Variants in MAP3K5 observed in about 807,000 individuals in gnomAD.
MAP3K5 encodes the protein mitogen-activated protein kinase kinase kinase 5.
Under a neutral mutation model 158.7 loss-of-function variants are expected in MAP3K5, and 56 were observed. The observed-to-expected ratio is 0.35, with a 90% CI of 0.28 to 0.44. MAP3K5 has a LOEUF of 0.44. MAP3K5 is among the 20% of genes least tolerant of loss of function. The pLI, the probability that MAP3K5 is intolerant of heterozygous loss-of-function variation, is 1.00. For missense variants in MAP3K5, 1,294 were observed against 1,674.8 expected (o/e 0.77, Z 3.97); for synonymous variants, 579 against 601.7 (o/e 0.96, Z 0.55).
chr6:136,558,379 GAA>G (rs111257179), intron 29 of MAP3K5, among the ~76,000 whole-genome samples: 41 of 125,784 alleles, frequency 3.3e-4, no homozygotes, highest in Non-Finnish European at 5.8e-4. Flanking sequence ...ACTCCATCCC[GAA>G]AAAAAAAAAA....
rs560182575 is a variant in MAP3K5, at chr6:136,628,195, T to C, written c.2017-5214A>G. Among the ~76,000 whole-genome samples, 4 of 152,246 alleles carry C rather than the reference T, an allele frequency of 2.6e-5. No homozygotes were observed. In the South Asian group the frequency reaches 8.3e-4, roughly 32 times the overall value. The stretch of plus-strand genomic sequence containing the variant: ...GGTGCCATCATAGCTCATTGCAGCC[T>C]TGAACTCCTAGGTTCAAGCAATCCT... On this transcript the variant is annotated intron_variant, in intron 14 of 29. Coordinates refer to ENST00000359015, the MANE Select transcript of MAP3K5 (RefSeq NM_005923.4).
intron 1 of MAP3K5, among the ~76,000 whole-genome samples, chr6:136,764,851 A>C (rs1783895278): frequency 6.6e-6 from 1 of 152,148 alleles, no homozygotes; most frequent in Non-Finnish European, 1.5e-5. Context: ...ACTGAAACTC[A>C]AGGCACACTT....
intron 1 of MAP3K5, among the ~76,000 whole-genome samples, chr6:136,781,825 T>A (rs770317687): frequency 6.6e-6 from 1 of 152,188 alleles, no homozygotes; most frequent in East Asian, 1.9e-4. Context: ...CGGTGGCCCC[T>A]GGACAGCAGA....
intron 1 of MAP3K5, among the ~76,000 whole-genome samples, chr6:136,761,298 A>AC (rs1391992758): frequency 4.6e-4 from 70 of 151,414 alleles, no homozygotes; most frequent in Middle Eastern, 3.4e-3. Context: ...TAAAAAAAAA[A>AC]AAAAAAAAAC....
At chr6:136,708,866 G>A (rs992264583) in intron 2 of MAP3K5, among the ~76,000 whole-genome samples, 6 of 152,236 alleles carry the variant, frequency 3.9e-5, no homozygotes, top group Non-Finnish European at 7.4e-5. Context: ...CAAACCATAC[G>A]CTTGCAAATA....
intron 25 of MAP3K5, among the ~76,000 whole-genome samples, chr6:136,571,479 C>G (rs73777929): frequency 0.038 from 5,846 of 152,236 alleles, 366 homozygotes; most frequent in African/African-American, 0.13. Context: ...GTGAAAAAAC[C>G]ATAAAATTAT....
At position 136,642,469 on chromosome 6, in the gene MAP3K5, T is replaced by C. The variant is rs147110174; in HGVS notation, c.1838+51A>G. 3.1e-3 allele frequency: 3,766 copies of C among 1,223,124 alleles called. 77 individuals carry two copies. In the Admixed American group the frequency reaches 0.041, roughly 13 times the overall value. 75.8% of individuals were successfully genotyped at this position (1,223,124 alleles called of 1,614,324 possible). A position where few individuals can be genotyped will look rare whatever the true frequency, so the allele number is the denominator to read the frequency against. The stretch of plus-strand genomic sequence containing the variant: ...TTAGAAGTTCTATCCAGCCCATGAA[T>C]AGTGGAGAAAAATGTCTTATAAGTT... On this transcript the variant is annotated intron_variant, in intron 12 of 29. Coordinates refer to ENST00000359015, the MANE Select transcript of MAP3K5 (RefSeq NM_005923.4).
chr6:136,666,207 T>A (rs1006248034), intron 8 of MAP3K5, among the ~76,000 whole-genome samples: 1 of 152,328 alleles, frequency 6.6e-6, no homozygotes, highest in Admixed American at 6.5e-5. Flanking sequence ...CACAGATCCA[T>A]GAAGCAATTA....
intron 11 of MAP3K5, 51 bp downstream of exon 11, chr6:136,650,933 T>G: frequency 8.9e-7 from 1 of 1,120,138 alleles, no homozygotes; most frequent in Non-Finnish European, 1.3e-6. Context: ...GCTAGAAGGG[T>G]GTAAAGTCCC....
At chr6:136,675,874 AAGAG>A (rs1340542453) in intron 7 of MAP3K5, among the ~76,000 whole-genome samples, 1 of 152,182 alleles carries the variant, frequency 6.6e-6, no homozygotes, top group Non-Finnish European at 1.5e-5. Flanking sequence ...CTTCTCATGA[AAGAG>A]AGAGAAATAA....
At chr6:136,686,164 T>A (rs1440165499) in intron 7 of MAP3K5, among the ~76,000 whole-genome samples, 1 of 152,252 alleles carries the variant, frequency 6.6e-6, no homozygotes, top group Non-Finnish European at 1.5e-5. Context: ...AAAGTGGCAT[T>A]CTTACATTAC....
At chr6:136,583,801 T>C in intron 23 of MAP3K5, 61 bp from the exon 24 acceptor site, 1 of 1,484,342 alleles carries the variant, frequency 6.7e-7, no homozygotes, top group Non-Finnish European at 9.3e-7. Flanking sequence ...GCCATGGTAA[T>C]CCTATCTCCA....
chr6:136,779,721 T>C (rs1784540850), intron 1 of MAP3K5, among the ~76,000 whole-genome samples: 1 of 152,174 alleles, frequency 6.6e-6, no homozygotes, highest in Non-Finnish European at 1.5e-5. Flanking sequence ...TCTCCTAGTA[T>C]AAGAATGAAG....
chr6:136,716,461 G>A (rs1781533318), intron 2 of MAP3K5, among the ~76,000 whole-genome samples: 1 of 152,140 alleles, frequency 6.6e-6, no homozygotes, highest in African/African-American at 2.4e-5. Flanking sequence ...GCTGAGGAAG[G>A]GAGTGGAGGA....
rs2129091530 is a variant in MAP3K5, at chr6:136,613,222, A to G, written c.2313T>C (p.Gly771=). The G allele has an allele frequency of 1.2e-6, 2 of 1,613,436 alleles. No homozygotes were observed. The highest frequency in any genetic ancestry group is 1.7e-6 in the Non-Finnish European group (2 of 1,179,668). ...SLSALLRSKW[G]PLKDNEQTIG... Reference sequence around the variant, plus strand: ...TTGTTTGCTCATTGTCTTTTAATGGACCCCATTTGGAACGAAGGAGAGCAG... The same window carrying G: ...TTGTTTGCTCATTGTCTTTTAATGGGCCCCATTTGGAACGAAGGAGAGCAG... Residue 771 remains glycine, a synonymous_variant, in exon 17 of 30, where the codon GGT becomes GGC. Coordinates refer to ENST00000359015, the MANE Select transcript of MAP3K5 (RefSeq NM_005923.4). This position sits in a 1 kb window ranked among gnomAD's most constrained non-coding sequence, Gnocchi z 4.0.
intron 1 of MAP3K5, among the ~76,000 whole-genome samples, chr6:136,730,170 T>A: frequency 7.3e-6 from 1 of 137,046 alleles, no homozygotes; most frequent in South Asian, 2.1e-4. Flanking sequence ...TTTTTTTGTT[T>A]TTTGTTTTTG....
chr6:136,719,171 G>A (rs2114773709), intron 2 of MAP3K5, among the ~76,000 whole-genome samples: 1 of 152,224 alleles, frequency 6.6e-6, no homozygotes, highest in Non-Finnish European at 1.5e-5. Flanking sequence ...GCGAGATCCT[G>A]TCTAAATAAA....
At chr6:136,607,642 T>C (rs1562542345) in intron 18 of MAP3K5, among the ~76,000 whole-genome samples, 1 of 152,236 alleles carries the variant, frequency 6.6e-6, no homozygotes, top group African/African-American at 2.4e-5. Context: ...GAAATATCTA[T>C]TGTAGAATTT....
At chr6:136,671,054 A>G (rs1342012935) in intron 7 of MAP3K5, among the ~76,000 whole-genome samples, 1 of 152,202 alleles carries the variant, frequency 6.6e-6, no homozygotes, top group African/African-American at 2.4e-5. Context: ...ATAATGTCCC[A>G]ACAAAAAAGG....
Sources: allele counts gnomAD v4.1 joint callset (sites outside exome capture counted in the v4.1 genomes callset), GRCh38; gene constraint gnomAD v4.1.1; non-coding constraint Gnocchi (gnomAD v3.1); transcripts MANE v1.5; gene names NCBI Gene and HGNC (gene_info 2026-07-23, HGNC 2026-07-21).